RIMS1: variants seen among roughly 807,000 people sequenced by gnomAD.
RIMS1 encodes the protein regulating synaptic membrane exocytosis protein 1.
RIMS1 carries 83 observed loss-of-function variants against 214.1 expected under a neutral mutation model. That is an observed-to-expected ratio of 0.39 (90% CI 0.32 to 0.47). The LOEUF (loss-of-function observed/expected upper bound fraction) is 0.47, where lower values mean the gene tolerates loss of function less well. Among genes scored for constraint, RIMS1 ranks in the 20% least tolerant of loss-of-function variants. The pLI is 0.99. For synonymous variants in RIMS1, 793 were observed against 786.8 expected, an observed-to-expected ratio of 1.01 and a Z score of -0.13; for missense variants, 2,050 against 2,161.8, an observed-to-expected ratio of 0.95 and a Z score of 1.03.
At chr6:72,080,263 C>T (rs1178740292) in intron 2 of RIMS1, among the ~76,000 whole-genome samples, 1 of 151,728 alleles carries the variant, frequency 6.6e-6, no homozygotes, top group Non-Finnish European at 1.5e-5. Flanking sequence ...GACTCCATCT[C>T]AAAAATAAAA....
intron 1 of RIMS1, among the ~76,000 whole-genome samples, chr6:71,889,151 C>A (rs141335630): frequency 2.7e-3 from 413 of 152,268 alleles, no homozygotes; most frequent in African/African-American, 9.6e-3. Context: ...CTGCTGCTTG[C>A]CAGAGTCCGG....
At chr6:72,306,811 ACTGTTAG>A (rs975507455) in intron 26 of RIMS1, among the ~76,000 whole-genome samples, 12 of 152,298 alleles carry the variant, frequency 7.9e-5, no homozygotes, top group African/African-American at 2.2e-4. Flanking sequence ...TTAGGTGACT[ACTGTTAG>A]CTGAGGGTGT....
chr6:72,110,384 G>A (rs1277513184), intron 4 of RIMS1, among the ~76,000 whole-genome samples: 2 of 151,802 alleles, frequency 1.3e-5, no homozygotes, highest in Non-Finnish European at 2.9e-5. Context: ...TCTTTGAGCA[G>A]TGGTTTGTAG....
At chr6:72,263,199 A>T (rs1440406669) in intron 19 of RIMS1, 11 of 985,156 alleles carry the variant, frequency 1.1e-5, no homozygotes, top group Non-Finnish European at 1.3e-5. Context: ...CACACAGCAT[A>T]TTAAAGTCAT....
chr6:72,048,758 G>A (rs1823780416), intron 2 of RIMS1, among the ~76,000 whole-genome samples: 1 of 152,164 alleles, frequency 6.6e-6, no homozygotes, highest in Non-Finnish European at 1.5e-5. Context: ...TGAGACCAGA[G>A]AGTAAATTCA....
At chr6:71,934,651 G>T (rs538301508) in intron 1 of RIMS1, among the ~76,000 whole-genome samples, 1 of 152,192 alleles carries the variant, frequency 6.6e-6, no homozygotes, top group East Asian at 1.9e-4. Context: ...GGAAGGAAGG[G>T]GAATCAATAT....
chr6:71,886,900 G>T lies in RIMS1; in HGVS notation c.-124G>T. The T allele has an allele frequency of 9.0e-7, 1 of 1,110,708 alleles. No homozygotes were observed. 68.8% of individuals were successfully genotyped at this position (1,110,708 alleles called of 1,614,324 possible). A position where few individuals can be genotyped will look rare whatever the true frequency, so the allele number is the denominator to read the frequency against. ...TGCTGCTGCTGCCGCCGCCGCCGCT[G>T]CTCCTCCTCCTGCCGCCGCCGCTAG... On this transcript the variant is annotated 5_prime_UTR_variant, in exon 1 of 34. Transcript: ENST00000521978.
Position 71,933,903 on chromosome 6 carries a change from AAC to A in RIMS1, c.165-35076_165-35075del, listed in dbSNP as rs145687885. Among the ~76,000 whole-genome samples, 528 of 152,292 alleles carry A rather than the reference AAC, an allele frequency of 3.5e-3. 2 individuals are homozygous for A. The highest frequency in any genetic ancestry group is 0.012 in the African/African-American group (499 of 41,556). ...TTTAATTATTTAATAATTTTATAAA[AAC>A]ACAATATGCAAAACAAAAGTCCAAC... On this transcript the variant is annotated intron_variant, in intron 1 of 33. Transcript: ENST00000521978.
chr6:71,895,510 A>C (rs1420912469), intron 1 of RIMS1, among the ~76,000 whole-genome samples: 2 of 152,040 alleles, frequency 1.3e-5, no homozygotes, highest in Non-Finnish European at 2.9e-5. Flanking sequence ...CCCCATCTCT[A>C]CTAAAAATAA....
intron 2 of RIMS1, among the ~76,000 whole-genome samples, chr6:72,039,019 A>G (rs1193429431): frequency 6.6e-6 from 1 of 151,338 alleles, no homozygotes; most frequent in African/African-American, 2.5e-5. Context: ...GAAAAAAATT[A>G]AAATAGGATT....
At chr6:71,906,168 T>A (rs1424122129) in intron 1 of RIMS1, among the ~76,000 whole-genome samples, 1 of 152,194 alleles carries the variant, frequency 6.6e-6, no homozygotes, top group Non-Finnish European at 1.5e-5. Context: ...AGGGAGTGTC[T>A]TAAACAATGG....
intron 33 of RIMS1, among the ~76,000 whole-genome samples, chr6:72,399,844 T>G (rs1185937682): frequency 6.6e-6 from 1 of 152,122 alleles, no homozygotes; most frequent in Non-Finnish European, 1.5e-5. Context: ...GTATGTGAAA[T>G]GGAAGGCTTG....
At chr6:72,111,774 G>A (rs1463856183) in intron 4 of RIMS1, among the ~76,000 whole-genome samples, 1 of 152,082 alleles carries the variant, frequency 6.6e-6, no homozygotes, top group African/African-American at 2.4e-5. Flanking sequence ...CTCTCTCTGG[G>A]CCACTCCCAC....
chr6:72,252,637 G>C lies in RIMS1; in HGVS notation c.2699-124G>C, dbSNP rs1399967364. ...TTTTAAAATTAGCTCAGTGTTTACT[G>C]TATTAGTCTTCATAAGTTTTCAGTA... On this transcript the variant is annotated intron_variant, in intron 15 of 33. Coordinates refer to ENST00000521978, the MANE Select transcript of RIMS1 (RefSeq NM_014989.7). The C allele has an allele frequency of 9.5e-6, 7 of 735,554 alleles. No homozygotes were observed. The African/African-American group carries it at 1.2e-4, about 13-fold the overall frequency. 45.6% of individuals were successfully genotyped at this position (735,554 alleles called of 1,614,324 possible). A position where few individuals can be genotyped will look rare whatever the true frequency, so the allele number is the denominator to read the frequency against.
chr6:72,291,051 T>C (rs958336528), intron 25 of RIMS1, among the ~76,000 whole-genome samples, 190 bp downstream of exon 25: 13 of 152,200 alleles, frequency 8.5e-5, no homozygotes, highest in Non-Finnish European at 1.8e-4. Context: ...GGTGGTATAC[T>C]ATAGTTTCTG....
chr6:72,057,538 C>T (rs111696016), intron 2 of RIMS1, among the ~76,000 whole-genome samples: 1,989 of 139,870 alleles, frequency 0.014, 11 homozygotes, highest in Non-Finnish European at 0.018. Flanking sequence ...GATGGAGTCT[C>T]GCTCTGTTGC....
At chr6:72,272,679 T>C (rs1297697984) in intron 22 of RIMS1, among the ~76,000 whole-genome samples, 1 of 152,148 alleles carries the variant, frequency 6.6e-6, no homozygotes, top group Non-Finnish European at 1.5e-5. Flanking sequence ...ACTGGAATTT[T>C]GCCCTAGGAA....
chr6:72,397,960 A>G (rs1331612910), intron 31 of RIMS1, among the ~76,000 whole-genome samples: 1 of 152,184 alleles, frequency 6.6e-6, no homozygotes, highest in Admixed American at 6.5e-5. Flanking sequence ...AAGAAATCTT[A>G]TTAAGTACAA....
chr6:72,093,151 A>G (rs1447014322), intron 2 of RIMS1, among the ~76,000 whole-genome samples: 1 of 150,252 alleles, frequency 6.7e-6, no homozygotes, highest in African/African-American at 2.4e-5. Context: ...GATTTTAGGA[A>G]TTTCGGGTCC....
Sources: gnomAD v4.1 joint callset for allele counts (sites outside exome capture counted in the v4.1 genomes callset) on GRCh38, gnomAD v4.1.1 for gene constraint, MANE v1.5 for transcripts, NCBI Gene and HGNC (gene_info 2026-07-23, HGNC 2026-07-21) for gene names.